Variants in OPRK1 observed in about 807,000 individuals in gnomAD.
OPRK1 encodes the protein kappa-type opioid receptor.
OPRK1 carries 15 observed loss-of-function variants against 24.5 expected under a neutral mutation model. That is an observed-to-expected ratio of 0.61 (90% CI 0.41 to 0.94). The LOEUF (loss-of-function observed/expected upper bound fraction) is 0.94, where lower values mean the gene tolerates loss of function less well. OPRK1 is among the 40% of genes least tolerant of loss of function. The pLI is 0.00. For missense variants in OPRK1, 479 were observed against 507.3 expected (o/e 0.94, Z 0.54); for synonymous variants, 205 against 198.0 (o/e 1.04, Z -0.30).
intron 2 of OPRK1, among the ~76,000 whole-genome samples, chr8:53,239,506 G>C (rs566683905): frequency 2.1e-3 from 319 of 152,302 alleles, no homozygotes; most frequent in African/African-American, 7.2e-3. Flanking sequence ...AGGAGTCACA[G>C]GTGGCTGCCT....
At chr8:53,245,780 T>G (rs1303827751) in intron 2 of OPRK1, among the ~76,000 whole-genome samples, 1 of 152,206 alleles carries the variant, frequency 6.6e-6, no homozygotes, top group South Asian at 2.1e-4. Context: ...GCAAAGGTGT[T>G]TTGTAGGAGT....
chr8:53,240,940 T>C (rs748410561), intron 2 of OPRK1, among the ~76,000 whole-genome samples: 9 of 152,200 alleles, frequency 5.9e-5, no homozygotes, highest in Non-Finnish European at 1.3e-4. Flanking sequence ...ATCACCATGT[T>C]GTGCATGTTT....
In OPRK1 at chr8:53,226,925, A is replaced by T. The variant is rs1242183665; in HGVS notation, c.*2372T>A. On this transcript the variant is annotated 3_prime_UTR_variant, in exon 4 of 4. Coordinates refer to ENST00000265572, the MANE Select transcript of OPRK1 (RefSeq NM_000912.5). ...ATGCAGGAAAATCAGGCAAACCAAT[A>T]ATGGCAATTAACGCTGTAAGAGCAC... 1.3e-5 allele frequency: 2 copies of T among 152,210 alleles called. No homozygotes were observed. Among genetic ancestry groups the T allele is most frequent in the Admixed American group, 1.3e-4 (2 of 15,280 alleles). The allele number at this position is 152,210 out of a possible 1,614,324, so 9.4% of individuals were successfully genotyped here. A position where few individuals can be genotyped will look rare whatever the true frequency, so the allele number is the denominator to read the frequency against.
chr8:53,229,423 C>T lies in OPRK1; in HGVS notation c.1017G>A (p.Arg339=), dbSNP rs1225828925. Residue 339 remains arginine, a synonymous_variant, in exon 4 of 4, where the codon CGG becomes CGA. Coordinates refer to ENST00000265572, the MANE Select transcript of OPRK1 (RefSeq NM_000912.5). ...LYAFLDENFK[R]CFRDFCFPLK... is the part of the protein sequence containing the mutation. ...GTGGAAAGCAGAAGTCCCGGAAACA[C>T]CGCTTGAAGTTTTCATCAAGAAAGG... is the stretch of plus-strand genomic sequence containing the variant. The T allele has an allele frequency of 1.2e-6, 2 of 1,614,206 alleles. No individual in the cohort carries two copies. Among genetic ancestry groups the T allele is most frequent in the South Asian group, 2.2e-5 (2 of 91,080 alleles).
intron 2 of OPRK1, among the ~76,000 whole-genome samples, chr8:53,237,946 G>A (rs1807031590): frequency 6.6e-6 from 1 of 152,140 alleles, no homozygotes; most frequent in African/African-American, 2.4e-5. Flanking sequence ...CAGGTTTCTG[G>A]AAGACACATG....
chr8:53,229,513 G>T lies in OPRK1; in HGVS notation c.927C>A (p.Leu309=). 6.2e-7 allele frequency: 1 copy of T among 1,614,234 alleles called. No individual in the cohort carries two copies. Among genetic ancestry groups the T allele is most frequent in the South Asian group, 1.1e-5 (1 of 91,082 alleles). Residue 309 remains leucine, a synonymous_variant, in exon 4 of 4, where the codon CTC becomes CTA. Coordinates refer to ENST00000265572, the MANE Select transcript of OPRK1 (RefSeq NM_000912.5). ...LGSTSHSTAA[L]SSYYFCIALG... ...AGGCGATGCAGAAGTAATAGCTGGA[G>T]AGAGCAGCTGTGCTGTGGGAGGTGC...
At position 53,229,030 on chromosome 8, in the gene OPRK1, G is replaced by T; in HGVS notation, c.*267C>A. The T allele has an allele frequency of 2.7e-6, 1 of 374,726 alleles. No individual in the cohort carries two copies. The highest frequency in any genetic ancestry group is 4.8e-6 in the Non-Finnish European group (1 of 207,210). The allele number at this position is 374,726 out of a possible 1,614,324, so 23.2% of individuals were successfully genotyped here. On this transcript the variant is annotated 3_prime_UTR_variant, in exon 4 of 4. Transcript: ENST00000265572. The stretch of plus-strand genomic sequence containing the variant: ...CTAGCAAACCAGAAGGAAAAGACCT[G>T]TTCCCTTGTTCATCAGAGGAACTGA...
Position 53,226,139 on chromosome 8 carries a change from A to G in OPRK1, c.*3158T>C, listed in dbSNP as rs113005332. The G allele has an allele frequency of 2.6e-5, 4 of 152,324 alleles. No homozygotes were observed. The highest frequency in any genetic ancestry group is 9.6e-5 in the African/African-American group (4 of 41,568). 9.4% of individuals were successfully genotyped at this position (152,324 alleles called of 1,614,324 possible). A position where few individuals can be genotyped will look rare whatever the true frequency, so the allele number is the denominator to read the frequency against. On this transcript the variant is annotated 3_prime_UTR_variant, in exon 4 of 4. Transcript: ENST00000265572. ...ACGTTTAAGAACTGTATTTCTTAGT[A>G]ATATATCACAGAATAGAACCATTTT...
chr8:53,234,205 C>CAAAAAAAAAAAAAAAAAAAAAAAAAA (rs1554519153), intron 3 of OPRK1, among the ~76,000 whole-genome samples: 2 of 84,338 alleles, frequency 2.4e-5, no homozygotes, highest in South Asian at 4.4e-4. Context: ...AAAAAAAAAT[C>CAAAAAAAAAAAAAAAAAAAAAAAAAA]AGTTGGCTGG....
At chr8:53,248,290 C>A (rs550318940) in intron 2 of OPRK1, among the ~76,000 whole-genome samples, 1 of 152,180 alleles carries the variant, frequency 6.6e-6, no homozygotes, top group Non-Finnish European at 1.5e-5. Flanking sequence ...TTCTCCAGAG[C>A]TCTTTCTCCC....
chr8:53,250,873 G>C lies in OPRK1; in HGVS notation c.165C>G (p.Ser55=), dbSNP rs774582686. ...EDAQLEPAHI[S]PAIPVIITAV... ...CCGTGATGATGACCGGGATGGCCGGGGAGATGTGCGCGGGCTCCAGCTGCG... is the reference window on the plus strand; with the variant it reads ...CCGTGATGATGACCGGGATGGCCGGCGAGATGTGCGCGGGCTCCAGCTGCG... The change falls in exon 2 of 4, where the codon TCC becomes TCG. Residue 55 remains serine, a synonymous_variant. Coordinates refer to ENST00000265572, the MANE Select transcript of OPRK1 (RefSeq NM_000912.5). 6.2e-7 allele frequency: 1 copy of C among 1,613,294 alleles called. No individual in the cohort carries two copies. The highest frequency in any genetic ancestry group is 8.5e-7 in the Non-Finnish European group (1 of 1,179,736).
At position 53,229,501 on chromosome 8, in the gene OPRK1, G is replaced by A. The variant is rs776486303; in HGVS notation, c.939C>T (p.Tyr313=). 3.7e-5 allele frequency: 60 copies of A among 1,614,116 alleles called. No individual in the cohort carries two copies. The highest frequency in any genetic ancestry group is 4.8e-5 in the Non-Finnish European group (57 of 1,180,054). Residue 313 remains tyrosine, a synonymous_variant, in exon 4 of 4, where the codon TAC becomes TAT. Coordinates refer to ENST00000265572, the MANE Select transcript of OPRK1 (RefSeq NM_000912.5). ...TGGTATAGCCTAAGGCGATGCAGAAGTAATAGCTGGAGAGAGCAGCTGTGC... is the reference window on the plus strand; with the variant it reads ...TGGTATAGCCTAAGGCGATGCAGAAATAATAGCTGGAGAGAGCAGCTGTGC... ...SHSTAALSSY[Y]FCIALGYTNS...
In OPRK1 at chr8:53,251,605, G is replaced by T. The variant is rs1017128481; in HGVS notation, c.-206C>A. On this transcript the variant is annotated 5_prime_UTR_variant, in exon 1 of 4. In the 5' UTR this introduces an upstream ATG that the reference lacks. Transcript: ENST00000265572. The stretch of plus-strand genomic sequence containing the variant: ...GAGGGCTGCTGTTCCGCCGAGCGCA[G>T]CCCCCGCCTCTCAGCGCACGTCTCC... The T allele has an allele frequency of 6.6e-6, 1 of 151,382 alleles. No individual in the cohort carries two copies. Among genetic ancestry groups the T allele is most frequent in the Non-Finnish European group, 1.5e-5 (1 of 67,410 alleles). The allele number at this position is 151,382 out of a possible 1,614,324, so 9.4% of individuals were successfully genotyped here. A position where few individuals can be genotyped will look rare whatever the true frequency, so the allele number is the denominator to read the frequency against.
At chr8:53,238,215 C>T (rs1807038190) in intron 2 of OPRK1, among the ~76,000 whole-genome samples, 1 of 152,158 alleles carries the variant, frequency 6.6e-6, no homozygotes, top group Admixed American at 6.5e-5. Flanking sequence ...AACAAGCAAG[C>T]TTTCTCATTA....
chr8:53,250,716 G>A, intron 2 of OPRK1, 65 bp downstream of exon 2: 2 of 1,478,168 alleles, frequency 1.4e-6, no homozygotes, highest in South Asian at 1.3e-5. Flanking sequence ...CTGCTCCAGT[G>A]GCGGGGCCTG....
chr8:53,240,543 T>C (rs1268402353), intron 2 of OPRK1, among the ~76,000 whole-genome samples: 1 of 152,116 alleles, frequency 6.6e-6, no homozygotes, highest in Admixed American at 6.5e-5. Flanking sequence ...AATGCAGTCC[T>C]TCTTCACAAA....
intron 2 of OPRK1, among the ~76,000 whole-genome samples, chr8:53,239,138 C>T (rs972703233): frequency 5.1e-4 from 77 of 152,260 alleles, no homozygotes; most frequent in Admixed American, 1.3e-3. Flanking sequence ...CCTATGGTGA[C>T]GCATGCACCC....
At chr8:53,230,677 C>T (rs772060976) in intron 3 of OPRK1, among the ~76,000 whole-genome samples, 3 of 152,114 alleles carry the variant, frequency 2.0e-5, no homozygotes, top group Non-Finnish European at 4.4e-5. Context: ...TCAGGATGGA[C>T]ACCTTCTAAA....
In OPRK1 at chr8:53,229,054, G is replaced by A. The variant is rs1585626005; in HGVS notation, c.*243C>T. The A allele has an allele frequency of 9.1e-6, 4 of 439,700 alleles. No individual in the cohort carries two copies. In the East Asian group the frequency reaches 1.6e-4, roughly 17 times the overall value. The allele number at this position is 439,700 out of a possible 1,614,324, so 27.2% of individuals were successfully genotyped here. On this transcript the variant is annotated 3_prime_UTR_variant, in exon 4 of 4. Coordinates refer to ENST00000265572, the MANE Select transcript of OPRK1 (RefSeq NM_000912.5). ...TGTTCCCTTGTTCATCAGAGGAACT[G>A]AGGCTCTGCCTCGCTTCTGTGCCCT...
Sources: allele counts gnomAD v4.1 joint callset (sites outside exome capture counted in the v4.1 genomes callset), GRCh38; gene constraint gnomAD v4.1.1; transcripts MANE v1.5; gene names NCBI Gene and HGNC (gene_info 2026-07-23, HGNC 2026-07-21).